The following PHF3 variants were observed in gnomAD, a reference collection of about 807,000 sequenced individuals.
PHF3 encodes PHD finger protein 3.
PHF3 carries 41 observed loss-of-function variants against 178.4 expected under a neutral mutation model. The ratio of observed to expected loss-of-function variants is 0.23; its 90% confidence interval spans 0.18 to 0.30. The LOEUF (loss-of-function observed/expected upper bound fraction) is 0.30, where lower values mean the gene tolerates loss of function less well. Among genes scored for constraint, PHF3 ranks in the 10% least tolerant of loss-of-function variants. The pLI is 1.00. For synonymous variants in PHF3, 842 were observed against 800.5 expected (o/e 1.05, Z -0.88); for missense variants, 2,346 against 2,398.1 (o/e 0.98, Z 0.45).
intron 6 of PHF3, among the ~76,000 whole-genome samples, chr6:63,697,644 G>C (rs1767290227): frequency 1.3e-5 from 2 of 152,026 alleles, no homozygotes; most frequent in African/African-American, 4.8e-5. Flanking sequence ...GTATACGAGG[G>C]GCTGGTAATG....
Position 63,717,141 on chromosome 6 carries a change from T to TG in PHF3, c.*3435dup, listed in dbSNP as rs1768215535. On this transcript the variant is annotated 3_prime_UTR_variant, in exon 16 of 16. Coordinates refer to ENST00000262043, the MANE Select transcript of PHF3 (RefSeq NM_001370348.2). ...ATAACACCAGCAATAGAGAAGAAAA[T>TG]GGAGTGAAAAGTGAAGCCACTCCAT... 6.6e-6 allele frequency among the ~76,000 whole-genome samples: 1 copy of TG among 152,002 alleles called. No individual in the cohort carries two copies. Among genetic ancestry groups the TG allele is most frequent in the African/African-American group, 2.4e-5 (1 of 41,414 alleles).
intron 2 of PHF3, among the ~76,000 whole-genome samples, chr6:63,665,482 T>G (rs1349963370): frequency 2.3e-5 from 3 of 133,048 alleles, no homozygotes; most frequent in Non-Finnish European, 4.7e-5. Flanking sequence ...TGTGGTTTTT[T>G]TTTGTTTTTT....
chr6:63,679,805 G>A, intron 2 of PHF3, 195 bp from the exon 3 acceptor site: 1 of 628,670 alleles, frequency 1.6e-6, no homozygotes, highest in East Asian at 3.2e-5. Context: ...ACTTTACAAG[G>A]TGGAAGTTTA....
At chr6:63,679,786 T>C (rs1270430101) in intron 2 of PHF3, 1 of 591,300 alleles carries the variant, frequency 1.7e-6, no homozygotes, top group Non-Finnish European at 3.2e-6. Context: ...ATACTCTCTT[T>C]GACTAATTAC....
intron 5 of PHF3, among the ~76,000 whole-genome samples, chr6:63,693,590 A>G (rs1767102032): frequency 6.6e-6 from 1 of 152,222 alleles, no homozygotes; most frequent in Admixed American, 6.5e-5. Context: ...CAGCTTGGGC[A>G]AAAGAGTGAA....
intron 2 of PHF3, among the ~76,000 whole-genome samples, chr6:63,676,187 A>C (rs2149573914): frequency 6.6e-6 from 1 of 152,276 alleles, no homozygotes; most frequent in South Asian, 2.1e-4. Flanking sequence ...GTCTTTTCTC[A>C]TAATTCTTTT....
chr6:63,667,814 G>T (rs889500723), intron 2 of PHF3, among the ~76,000 whole-genome samples: 2 of 152,132 alleles, frequency 1.3e-5, no homozygotes, highest in African/African-American at 2.4e-5. Context: ...TGGAAATTAG[G>T]TTTAAAAACT....
In PHF3 at chr6:63,679,716, A is replaced by T. The variant is rs909614118; in HGVS notation, c.245-284A>T. 3 of 428,414 alleles carry T rather than the reference A, an allele frequency of 7.0e-6. No individual in the cohort carries two copies. The Admixed American group carries it at 8.1e-5, about 12-fold the overall frequency. 26.5% of individuals were successfully genotyped at this position (428,414 alleles called of 1,614,324 possible). ...TCACCTATGTCTTTCACAAGGGGTC[A>T]GCAAGTAATAAATGGAAGTGATATT... On this transcript the variant is annotated intron_variant, in intron 2 of 15. Coordinates refer to ENST00000262043, the MANE Select transcript of PHF3 (RefSeq NM_001370348.2).
At chr6:63,708,420 T>C (rs940857752) in intron 13 of PHF3, among the ~76,000 whole-genome samples, 7 of 152,114 alleles carry the variant, frequency 4.6e-5, no homozygotes, top group Non-Finnish European at 7.3e-5. Flanking sequence ...AGACACAGTT[T>C]TTATGTGGTT....
intron 2 of PHF3, among the ~76,000 whole-genome samples, chr6:63,657,360 A>G (rs1166052094): frequency 6.6e-6 from 1 of 152,212 alleles, no homozygotes; most frequent in African/African-American, 2.4e-5. Context: ...AAATTCGCAT[A>G]TAACTTTTAT....
chr6:63,647,547 TG>T (rs1161525204), intron 2 of PHF3, among the ~76,000 whole-genome samples: 1 of 152,216 alleles, frequency 6.6e-6, no homozygotes, highest in Admixed American at 6.5e-5. Context: ...TCACTTGTTT[TG>T]TTTTTTTTGC....
chr6:63,689,915 G>A (rs957417288), intron 4 of PHF3, among the ~76,000 whole-genome samples: 3 of 152,160 alleles, frequency 2.0e-5, no homozygotes, highest in Admixed American at 2.0e-4. Flanking sequence ...GATTGTGGAA[G>A]TAAAGGGAAA....
chr6:63,684,107 T>A, intron 3 of PHF3, 22 bp from the exon 4 acceptor site: 1 of 1,524,322 alleles, frequency 6.6e-7, no homozygotes, highest in Non-Finnish European at 8.9e-7. Context: ...GTATTTTTAT[T>A]TATTTTTTCC....
chr6:63,711,428 G>T, intron 15 of PHF3, 66 bp downstream of exon 15: 1 of 1,410,514 alleles, frequency 7.1e-7, no homozygotes, highest in Non-Finnish European at 9.7e-7. Flanking sequence ...AGAGTGAAAA[G>T]ACTGATTCTG....
chr6:63,680,133 A>G lies in PHF3; in HGVS notation c.378A>G (p.Pro126=), dbSNP rs771019080. ...DKVEENSVRS[P]RKSPRLMAQE... is the part of the protein sequence containing the mutation. The stretch of plus-strand genomic sequence containing the variant: ...TAGAAGAAAATTCAGTGAGATCTCC[A>G]AGAAAATCACCTCGTTTAATGGCAC... The change falls in exon 3 of 16, where the codon CCA becomes CCG. Residue 126 remains proline, a synonymous_variant. Transcript: ENST00000262043. The G allele has an allele frequency of 3.7e-6, 6 of 1,609,614 alleles. No homozygotes were observed. Among genetic ancestry groups the G allele is most frequent in the Middle Eastern group, 1.7e-4 (1 of 6,016 alleles).
At chr6:63,654,922 C>T (rs1368500753) in intron 2 of PHF3, among the ~76,000 whole-genome samples, 1 of 128,854 alleles carries the variant, frequency 7.8e-6, no homozygotes, top group Non-Finnish European at 1.6e-5. Flanking sequence ...AGATGGGGCT[C>T]TCACTGTGTT....
At chr6:63,709,315 G>C (rs1767826021) in intron 14 of PHF3, 75 bp downstream of exon 14, 3 of 974,842 alleles carry the variant, frequency 3.1e-6, no homozygotes, top group African/African-American at 3.3e-5. Flanking sequence ...TCTTATGCAA[G>C]GGTGCAAAGT....
intron 2 of PHF3, among the ~76,000 whole-genome samples, chr6:63,666,272 A>G (rs538538723): frequency 2.3e-3 from 349 of 152,256 alleles, no homozygotes; most frequent in Middle Eastern, 6.8e-3. Flanking sequence ...TTTGACTTTT[A>G]GTCTTCATGA....
At chr6:63,704,063 A>G (rs1370193233) in intron 11 of PHF3, among the ~76,000 whole-genome samples, 1 of 152,194 alleles carries the variant, frequency 6.6e-6, no homozygotes, top group Non-Finnish European at 1.5e-5. Context: ...AACTGAAATT[A>G]CTTTTTTGTA....
Sources: allele counts gnomAD v4.1 joint callset (sites outside exome capture counted in the v4.1 genomes callset), GRCh38; gene constraint gnomAD v4.1.1; transcripts MANE v1.5; gene names NCBI Gene and HGNC (gene_info 2026-07-23, HGNC 2026-07-21).